The following LRRC57 variants were observed in gnomAD, a reference collection of about 807,000 sequenced individuals.
The protein encoded by LRRC57 is leucine rich repeat containing 57.
In LRRC57, 14 loss-of-function variants were observed where a neutral mutation model predicts 23.1. That is an observed-to-expected ratio of 0.61 (90% CI 0.40 to 0.95). The LOEUF (loss-of-function observed/expected upper bound fraction) is 0.95, where lower values mean the gene tolerates loss of function less well. Among genes scored for constraint, LRRC57 ranks in the 40% least tolerant of loss-of-function variants. LRRC57 has a pLI of 0.00. For synonymous variants in LRRC57, 106 were observed against 115.2 expected (o/e 0.92, Z 0.51); for missense variants, 236 against 284.4 (o/e 0.83, Z 1.22).
In LRRC57 at chr15:42,541,717, T is replaced by C. The variant is rs1464662939; in HGVS notation, c.*2366A>G. ...AAAATGGTAGCTTTCTAAATGTTGATGTTAGTGGTAGTCTGAAATCCTCTA... is the reference window on the plus strand; with the variant it reads ...AAAATGGTAGCTTTCTAAATGTTGACGTTAGTGGTAGTCTGAAATCCTCTA... On this transcript the variant is annotated 3_prime_UTR_variant, in exon 6 of 6. Coordinates refer to ENST00000397130, the MANE Select transcript of LRRC57 (RefSeq NM_153260.3). The C allele has an allele frequency of 6.6e-6, 1 of 152,098 alleles. No individual in the cohort carries two copies. The highest frequency in any genetic ancestry group is 2.4e-5 in the African/African-American group (1 of 41,420). The allele number at this position is 152,098 out of a possible 1,614,324, so 9.4% of individuals were successfully genotyped here.
chr15:42,535,346 G>A (rs567649571), downstream of LRRC57, among the ~76,000 whole-genome samples: 3 of 152,202 alleles, frequency 2.0e-5, no homozygotes, highest in African/African-American at 4.8e-5. Flanking sequence ...AGGGCCTTGT[G>A]TTTACTGGAG....
At chr15:42,546,565 G>A (rs1189213918) in intron 4 of LRRC57, among the ~76,000 whole-genome samples, 1 of 152,178 alleles carries the variant, frequency 6.6e-6, no homozygotes, top group Non-Finnish European at 1.5e-5. Flanking sequence ...AATGGACCAT[G>A]CAGATCTAGA....
intron 3 of LRRC57, 165 bp downstream of exon 3, chr15:42,547,941 T>C (rs1403834667): frequency 4.6e-6 from 3 of 651,196 alleles, no homozygotes; most frequent in South Asian, 4.0e-5. Flanking sequence ...AGGCTTATTT[T>C]AGATGTAATT....
Position 42,543,793 on chromosome 15 carries a change from G to C in LRRC57, c.*290C>G, listed in dbSNP as rs2057642948. On this transcript the variant is annotated 3_prime_UTR_variant, in exon 6 of 6. Coordinates refer to ENST00000397130, the MANE Select transcript of LRRC57 (RefSeq NM_153260.3). The stretch of plus-strand genomic sequence containing the variant: ...CCCCTCACCATATAAATAGCAGCTA[G>C]CTACTGGTTTCTTAAAGCCAAACTA... The C allele has an allele frequency of 6.3e-6, 2 of 317,990 alleles. No homozygotes were observed. The highest frequency in any genetic ancestry group is 1.2e-5 in the Non-Finnish European group (2 of 173,732). The allele number at this position is 317,990 out of a possible 1,614,324, so 19.7% of individuals were successfully genotyped here.
chr15:42,528,384 C>T, the LRRC57 span: 1 of 1,614,156 alleles, frequency 6.2e-7, no homozygotes, highest in Non-Finnish European at 8.5e-7. Flanking sequence ...CTTCAGCAAC[C>T]AACAACGGGA....
the LRRC57 span, chr15:42,532,647 A>G: frequency 6.6e-6 from 1 of 152,624 alleles, no homozygotes; most frequent in Non-Finnish European, 1.5e-5. Flanking sequence ...AATTTTTTGG[A>G]AAAGTTTGAC....
At position 42,548,119 on chromosome 15, in the gene LRRC57, G is replaced by A; in HGVS notation, c.210C>T (p.Asn70=). The A allele has an allele frequency of 6.2e-7, 1 of 1,614,236 alleles. No homozygotes were observed. The change falls in exon 3 of 6, where the codon AAC becomes AAT. Residue 70 remains asparagine (N), a synonymous_variant. Transcript: ENST00000397130. The part of the protein sequence containing the change: ...KFTLLKSLSL[N]NNKLTVLPDE... ...CGAGAGCCATACTCAGTTTGTTGTT[G>A]TTCAGGGAGAGGCTCTTCAGCAGAG...
intron 5 of LRRC57, among the ~76,000 whole-genome samples, chr15:42,544,635 G>A (rs1012920437): frequency 1.3e-5 from 2 of 151,714 alleles, no homozygotes; most frequent in South Asian, 2.1e-4. Context: ...CCAGCTTGGC[G>A]AACAAGGCAA....
At chr15:42,544,864 AG>A (rs2057651273) in intron 5 of LRRC57, among the ~76,000 whole-genome samples, 2 of 149,690 alleles carry the variant, frequency 1.3e-5, no homozygotes, top group South Asian at 4.2e-4. Context: ...ATATATCAAA[AG>A]ACAAAGATGA....
chr15:42,548,759 G>T lies in LRRC57; in HGVS notation c.-89C>A. 1 of 759,116 alleles carries T rather than the reference G, an allele frequency of 1.3e-6. No homozygotes were observed. The highest frequency in any genetic ancestry group is 2.1e-6 in the Non-Finnish European group (1 of 473,708). 47.0% of individuals were successfully genotyped at this position (759,116 alleles called of 1,614,324 possible). A position where few individuals can be genotyped will look rare whatever the true frequency, so the allele number is the denominator to read the frequency against. On this transcript the variant is annotated 5_prime_UTR_variant, in exon 1 of 6. Coordinates refer to ENST00000397130, the MANE Select transcript of LRRC57 (RefSeq NM_153260.3). ...CCAGGACCCGCAGTAGCCGGGATGC[G>T]CTCCCCGGCTTAGTCCCGGGCGGGA... is the stretch of plus-strand genomic sequence containing the variant.
Position 42,548,124 on chromosome 15 carries a change from G to T in LRRC57, c.205C>A (p.Leu69Met). The change falls in exon 3 of 6, where the codon CTG (leucine) becomes ATG (methionine). Residue 69 changes from leucine to methionine, a missense_variant. By Grantham distance (15) the Leu-to-Met change is conservative (BLOSUM62 2). Coordinates refer to ENST00000397130, the MANE Select transcript of LRRC57 (RefSeq NM_153260.3). The part of the protein sequence containing the change: ...GKFTLLKSLS[L>M]NNNKLTVLPD... ...GCCATACTCAGTTTGTTGTTGTTCA[G>T]GGAGAGGCTCTTCAGCAGAGTGAAC... The T allele has an allele frequency of 6.2e-7, 1 of 1,614,206 alleles. No homozygotes were observed. The highest frequency in any genetic ancestry group is 1.3e-5 in the African/African-American group (1 of 75,052).
At position 42,541,251 on chromosome 15, in the gene LRRC57, C is replaced by G. The variant is rs2057627875; in HGVS notation, c.*2832G>C. ...GGGTGTGTTGGCTCCCACCTGTAAT[C>G]CCAGCACTTTGGGAGGCTGAGGTGG... On this transcript the variant is annotated 3_prime_UTR_variant, in exon 6 of 6. Transcript: ENST00000397130. 1 of 152,100 alleles carries G rather than the reference C, an allele frequency of 6.6e-6. No individual in the cohort carries two copies. The highest frequency in any genetic ancestry group is 2.4e-5 in the African/African-American group (1 of 41,414). 9.4% of individuals were successfully genotyped at this position (152,100 alleles called of 1,614,324 possible).
chr15:42,547,653 G>A, intron 3 of LRRC57, 124 bp from the exon 4 acceptor site: 2 of 860,458 alleles, frequency 2.3e-6, no homozygotes, highest in Non-Finnish European at 1.8e-6. Flanking sequence ...ACTCCCACAT[G>A]TGCCATTTTT....
the LRRC57 span, among the ~76,000 whole-genome samples, chr15:42,530,907 A>G: frequency 5.3e-5 from 8 of 152,208 alleles, no homozygotes; most frequent in Non-Finnish European, 1.2e-4. Flanking sequence ...GGTTTAGGCT[A>G]TATTTACCTG....
chr15:42,543,200 TTTTTA>T lies in LRRC57; in HGVS notation c.*878_*882del, dbSNP rs2057639864. 3 of 149,876 alleles carry T rather than the reference TTTTTA, an allele frequency of 2.0e-5. No individual in the cohort carries two copies. The Admixed American group carries it at 2.0e-4, about 10-fold the overall frequency. 9.3% of individuals were successfully genotyped at this position (149,876 alleles called of 1,614,324 possible). A position where few individuals can be genotyped will look rare whatever the true frequency, so the allele number is the denominator to read the frequency against. On this transcript the variant is annotated 3_prime_UTR_variant, in exon 6 of 6. Transcript: ENST00000397130. The stretch of plus-strand genomic sequence containing the variant: ...GCGTACTTTAAAAAAAAAAAATTAT[TTTTTA>T]TTTTTTTAATTTGAGACAGAGTCTC...
chr15:42,537,212 C>G (rs1046653078), downstream of LRRC57, among the ~76,000 whole-genome samples: 2 of 146,552 alleles, frequency 1.4e-5, no homozygotes, highest in African/African-American at 5.1e-5. Flanking sequence ...GATCCCATCT[C>G]TCTGTCTCTC....
chr15:42,532,919 C>T (rs896424894), downstream of LRRC57: 1 of 152,574 alleles, frequency 6.6e-6, no homozygotes, highest in African/African-American at 2.4e-5. Flanking sequence ...GATGTGGATC[C>T]TGAAAAGTGT....
At chr15:42,545,028 G>T in intron 5 of LRRC57, 49 bp downstream of exon 5, 2 of 1,342,684 alleles carry the variant, frequency 1.5e-6, no homozygotes, top group Non-Finnish European at 2.0e-6. Flanking sequence ...CTTCACCATT[G>T]TCTTCTCTGG....
chr15:42,545,068 A>C lies in LRRC57; in HGVS notation c.678+9T>G. ...GTGACTAGAAATGCAGAAGTACATTAATTCATACCTTATCATAGCCTTCCA... is the reference window on the plus strand; with the variant it reads ...GTGACTAGAAATGCAGAAGTACATTCATTCATACCTTATCATAGCCTTCCA... On this transcript the variant is annotated intron_variant, in intron 5 of 5. Transcript: ENST00000397130. 1.3e-6 allele frequency: 2 copies of C among 1,569,656 alleles called. No homozygotes were observed. Among genetic ancestry groups the C allele is most frequent in the Non-Finnish European group, 1.7e-6 (2 of 1,159,180 alleles).
Sources: gnomAD v4.1 joint callset for allele counts (sites outside exome capture counted in the v4.1 genomes callset) on GRCh38, gnomAD v4.1.1 for gene constraint, MANE v1.5 for transcripts, NCBI Gene and HGNC (gene_info 2026-07-23, HGNC 2026-07-21) for gene names.